The following HEXB variants were observed in gnomAD, a reference collection of about 807,000 sequenced individuals.
The protein encoded by HEXB is beta-hexosaminidase subunit beta.
A neutral mutation model predicts 71.2 loss-of-function variants in HEXB; 51 were observed. The observed-to-expected ratio is 0.72, with a 90% CI of 0.57 to 0.90. The LOEUF is 0.90. Ranked by LOEUF, HEXB falls within the 40% of genes least tolerant of loss-of-function variation. The pLI is 0.00. For missense variants in HEXB, 617 were observed against 677.0 expected (o/e 0.91, Z 0.98); for synonymous variants, 266 against 249.3 (o/e 1.07, Z -0.63).
Position 74,693,731 on chromosome 5 carries a change from C to T in HEXB, c.511+27C>T, listed in dbSNP as rs74495713. The T allele has an allele frequency of 2.2e-3, 3,479 of 1,572,752 alleles. 69 individuals are homozygous for T. The African/African-American group carries it at 0.041, about 18-fold the overall frequency. Reference sequence around the variant, plus strand: ...TAAGTTCCATGCAGTTTCATTGTTACTTTCCAGTAAAGGAAAATTTTCAGT... The same window carrying T: ...TAAGTTCCATGCAGTTTCATTGTTATTTTCCAGTAAAGGAAAATTTTCAGT... On this transcript the variant is annotated intron_variant, in intron 3 of 13. Transcript: ENST00000261416.
At chr5:74,675,072 TG>T (rs1561209796) in intron 1 of HEXB, among the ~76,000 whole-genome samples, 1 of 152,192 alleles carries the variant, frequency 6.6e-6, no homozygotes, top group African/African-American at 2.4e-5. Flanking sequence ...TATTGCAACA[TG>T]GGAGTCAGAT....
intron 6 of HEXB, among the ~76,000 whole-genome samples, chr5:74,710,596 G>C (rs1048472179): frequency 6.6e-6 from 1 of 152,150 alleles, no homozygotes; most frequent in Non-Finnish European, 1.5e-5. Context: ...AAAGTCTCAG[G>C]ATACAAAATC....
chr5:74,669,110 C>A (rs1052603594), intron 1 of HEXB, among the ~76,000 whole-genome samples: 1 of 152,060 alleles, frequency 6.6e-6, no homozygotes, highest in Non-Finnish European at 1.5e-5. Context: ...CACCACCACG[C>A]CCTATTAATT....
rs774657424 is a variant in HEXB at position 74,715,635 on chromosome 5, G to C, written c.1027G>C (p.Val343Leu). The change falls in exon 8 of 14, where the codon GTG becomes CTG. Residue 343 changes from valine to leucine, a missense_variant. Transcript: ENST00000261416. The stretch of plus-strand genomic sequence containing the variant: ...TACATTTTTCAAAGAAATTAGTGAG[G>C]TGTTTCCAGATCAATTCATTCATTT... ...LTTFFKEISE[V>L]FPDQFIHLGG... 56 of 1,610,576 alleles carry C rather than the reference G, an allele frequency of 3.5e-5. No homozygotes were observed. The Admixed American group carries it at 9.0e-4, about 26-fold the overall frequency.
At position 74,705,450 on chromosome 5, in the gene HEXB, T is replaced by C. The variant is rs574661708; in HGVS notation, c.771+130T>C. 500 of 693,228 alleles carry C rather than the reference T, an allele frequency of 7.2e-4. 1 individual carries two copies. The highest frequency in any genetic ancestry group is 1.2e-3 in the Non-Finnish European group (452 of 392,712). The allele number at this position is 693,228 out of a possible 1,614,324, so 42.9% of individuals were successfully genotyped here. A position where few individuals can be genotyped will look rare whatever the true frequency, so the allele number is the denominator to read the frequency against. On this transcript the variant is annotated intron_variant, in intron 6 of 13. Transcript: ENST00000261416. ...AATCAGATGTTTATGGTTTTTAATT[T>C]TTTTGGCTGTGACTTAGCATTTTAC...
Position 74,649,640 on chromosome 5 carries a change from G to T in HEXB, c.-377+9082G>T, listed in dbSNP as rs116589383. Among the ~76,000 whole-genome samples the T allele has an allele frequency of 1.9e-3, 282 of 152,248 alleles. 2 individuals carry two copies. The highest frequency in any genetic ancestry group is 6.2e-3 in the African/African-American group (256 of 41,542). ...GGATTTCTAAGAAATGATTTTCTTG[G>T]TTTACTTTGCTCCATGTTGACAGGC... On this transcript the variant is annotated intron_variant, in intron 1 of 13. Transcript: ENST00000511181.
Position 74,648,593 on chromosome 5 carries a change from G to T in HEXB, c.-377+8035G>T, listed in dbSNP as rs141867747. On this transcript the variant is annotated intron_variant, in intron 1 of 13. Transcript: ENST00000511181. ...AAACATCCCGGGGTTTTCCAAAACT[G>T]CACCAATTTCTTCTACACCTCTTCT... 9.7e-3 allele frequency among the ~76,000 whole-genome samples: 1,473 copies of T among 152,256 alleles called. 15 individuals carry two copies. Among genetic ancestry groups the T allele is most frequent in the Non-Finnish European group, 0.016 (1,103 of 68,016 alleles).
In HEXB at chr5:74,715,697, T is replaced by C. The variant is rs1249872768; in HGVS notation, c.1082+7T>C. ...AAGTGGAATTTAAATGTTGGTAAGA[T>C]GATTCCTTAAAACCCCTTTAAAAAA... On this transcript the variant is annotated splice_region_variant and intron_variant, in intron 8 of 13. Coordinates refer to ENST00000261416, the MANE Select transcript of HEXB (RefSeq NM_000521.4). The C allele has an allele frequency of 6.3e-7, 1 of 1,583,482 alleles. No homozygotes were observed. Among genetic ancestry groups the C allele is most frequent in the East Asian group, 2.2e-5 (1 of 44,666 alleles).
chr5:74,697,137 C>A (rs772381958), intron 5 of HEXB, 31 bp downstream of exon 5: 2 of 1,017,696 alleles, frequency 2.0e-6, no homozygotes, highest in South Asian at 1.3e-5. Context: ...AATCTGTTGT[C>A]TATTCTGAAG....
At chr5:74,672,532 C>G (rs1266382248) in intron 1 of HEXB, among the ~76,000 whole-genome samples, 1 of 152,214 alleles carries the variant, frequency 6.6e-6, no homozygotes, top group Non-Finnish European at 1.5e-5. Context: ...GAGAGCAGAA[C>G]CAAATTCCAA....
intron 11 of HEXB, among the ~76,000 whole-genome samples, chr5:74,719,649 A>G (rs1749768724): frequency 6.6e-6 from 1 of 152,222 alleles, no homozygotes; most frequent in Admixed American, 6.5e-5. Context: ...CTGATTTTTA[A>G]AAAGCATTAA....
At chr5:74,655,384 G>A (rs1307954362) in intron 1 of HEXB, among the ~76,000 whole-genome samples, 4 of 81,044 alleles carry the variant, frequency 4.9e-5, no homozygotes, top group Admixed American at 1.7e-4. Flanking sequence ...GCACGATCTC[G>A]CCACTGCAAC....
chr5:74,715,513 A>T lies in HEXB; in HGVS notation c.905A>T (p.Gln302Leu). Residue 302 changes from glutamine to leucine, a missense_variant, in exon 8 of 14, where the codon CAG (glutamine) becomes CTG (leucine). Gln to Leu is a moderately radical substitution (Grantham distance 113, BLOSUM62 -2). Transcript: ENST00000261416. ...PGHTLSWGKG[Q>L]KDLLTPCYSR... ...GAATCTTAATATTTTCTTCTAGGTCAGAAAGACCTCCTGACTCCATGTTAC... is the reference window on the plus strand; with the variant it reads ...GAATCTTAATATTTTCTTCTAGGTCTGAAAGACCTCCTGACTCCATGTTAC... 1 of 1,604,772 alleles carries T rather than the reference A, an allele frequency of 6.2e-7. No homozygotes were observed. The highest frequency in any genetic ancestry group is 8.5e-7 in the Non-Finnish European group (1 of 1,171,588).
upstream of HEXB, among the ~76,000 whole-genome samples, chr5:74,682,249 GCC>G: frequency 6.6e-6 from 1 of 152,120 alleles, no homozygotes; most frequent in East Asian, 1.9e-4. Flanking sequence ...TCCCAGCTAC[GCC>G]GGAGGCTGAG....
chr5:74,653,060 A>G (rs1488167559), intron 1 of HEXB, among the ~76,000 whole-genome samples: 2 of 152,232 alleles, frequency 1.3e-5, no homozygotes, highest in East Asian at 3.8e-4. Flanking sequence ...ATAAAATTAT[A>G]TGCACTCAAA....
intron 1 of HEXB, among the ~76,000 whole-genome samples, chr5:74,646,887 C>T (rs569144187): frequency 2.0e-5 from 3 of 152,254 alleles, no homozygotes; most frequent in Non-Finnish European, 2.9e-5. Flanking sequence ...CTTCATTCTC[C>T]ATTACTTTAA....
At chr5:74,656,574 G>T (rs1458883303) in intron 1 of HEXB, among the ~76,000 whole-genome samples, 1 of 151,874 alleles carries the variant, frequency 6.6e-6, no homozygotes, top group Non-Finnish European at 1.5e-5. Context: ...GAACCACATT[G>T]CACACATTGC....
At chr5:74,689,262 G>A in intron 1 of HEXB, 66 bp from the exon 2 acceptor site, 1 of 1,226,454 alleles carries the variant, frequency 8.2e-7, no homozygotes, top group Admixed American at 1.7e-5. Context: ...AATGTTACTA[G>A]CACATCTGTT....
chr5:74,709,091 T>G (rs977540219), intron 6 of HEXB, among the ~76,000 whole-genome samples: 2 of 151,978 alleles, frequency 1.3e-5, no homozygotes, highest in Non-Finnish European at 2.9e-5. Context: ...TAACAAACTA[T>G]CTCTCAGACC....
Sources: gnomAD v4.1 joint callset for allele counts (sites outside exome capture counted in the v4.1 genomes callset) on GRCh38, gnomAD v4.1.1 for gene constraint, MANE v1.5 for transcripts, NCBI Gene and HGNC (gene_info 2026-07-23, HGNC 2026-07-21) for gene names.